The following HS6ST2 variants were observed in gnomAD, a reference collection of about 807,000 sequenced individuals.
HS6ST2 encodes the protein heparan sulfate 6-O-sulfotransferase 2, also known as heparan-sulfate 6-O-sulfotransferase 2.
A neutral mutation model predicts 33.0 loss-of-function variants in HS6ST2; 17 were observed. The observed-to-expected ratio is 0.52, with a 90% CI of 0.35 to 0.77. HS6ST2 has a LOEUF of 0.77. Ranked by LOEUF, HS6ST2 falls within the 30% of genes least tolerant of loss-of-function variation. The pLI is 0.01. For missense variants in HS6ST2, 519 were observed against 551.7 expected (o/e 0.94, Z 0.59); for synonymous variants, 248 against 237.1 (o/e 1.05, Z -0.42).
At chrX:132,855,620 G>C (rs1602753119) in intron 2 of HS6ST2, among the ~76,000 whole-genome samples, 1 of 111,503 alleles carries the variant, frequency 9.0e-6, no homozygotes, top group South Asian at 3.8e-4. Flanking sequence ...CGAAACAAGT[G>C]ATTTTTCAGT....
rs559552787 is a variant in HS6ST2, at chrX:132,928,673, C to T, written c.947+28135G>A. On this transcript the variant is annotated intron_variant, in intron 2 of 4. Transcript: ENST00000370833. ...TTTGAGTACCCTTGTTCTCTATTGT[C>T]ACAGCAACCTGTGCTCACCTTTATC... is the stretch of plus-strand genomic sequence containing the variant. Among the ~76,000 whole-genome samples the T allele has an allele frequency of 5.5e-4, 61 of 111,367 alleles. 1 individual carries two copies. In the South Asian group the frequency reaches 0.021, roughly 39 times the overall value.
intron 2 of HS6ST2, among the ~76,000 whole-genome samples, chrX:132,719,266 TC>T (rs778827482): frequency 2.7e-5 from 3 of 112,055 alleles, no homozygotes; most frequent in Non-Finnish European, 5.6e-5. Flanking sequence ...AGAAAGGGAC[TC>T]AACCAAGGTC....
At chrX:132,706,035 A>G (rs1477579130) in intron 3 of HS6ST2, among the ~76,000 whole-genome samples, 1 of 111,112 alleles carries the variant, frequency 9.0e-6, no homozygotes, top group Admixed American at 9.6e-5. Flanking sequence ...TTATCATTCA[A>G]ACTTACTATA....
Position 132,868,204 on chromosome X carries a change from T to C in HS6ST2, c.947+88604A>G, listed in dbSNP as rs754929747. On this transcript the variant is annotated intron_variant, in intron 2 of 4. Transcript: ENST00000370833. ...GACAAAGAAGGGCATTACATAATGA[T>C]AAAGGGATCAATGCAACAAGAAGAG... Among the ~76,000 whole-genome samples, 4 of 112,042 alleles carry C rather than the reference T, an allele frequency of 3.6e-5. No homozygotes were observed. In the East Asian group the frequency reaches 1.1e-3, roughly 31 times the overall value.
chrX:132,898,407 A>ATATATATATATAT (rs1569502414), intron 2 of HS6ST2, among the ~76,000 whole-genome samples: 1 of 102,761 alleles, frequency 9.7e-6, no homozygotes, highest in African/African-American at 3.6e-5. Flanking sequence ...ATATATATAT[A>ATATATATATATAT]AGCTTCTCTG....
At position 132,858,311 on chromosome X, in the gene HS6ST2, A is replaced by T. The variant is rs185713219; in HGVS notation, c.947+98497T>A. On this transcript the variant is annotated intron_variant, in intron 2 of 4. Transcript: ENST00000370833. ...GAGACTCAGCTATGAACTGTTGTAG[A>T]CAGGGAATCTTGATGGTGAAACAAG... Among the ~76,000 whole-genome samples, 4 of 112,286 alleles carry T rather than the reference A, an allele frequency of 3.6e-5. No individual in the cohort carries two copies. In the East Asian group the frequency reaches 1.1e-3, roughly 31 times the overall value.
intron 2 of HS6ST2, among the ~76,000 whole-genome samples, chrX:132,891,618 G>T (rs1308343407): frequency 9.1e-6 from 1 of 110,116 alleles, no homozygotes; most frequent in Non-Finnish European, 1.9e-5. Context: ...TCCCACCTAT[G>T]AGTGAGAACA....
chrX:132,856,122 C>T (rs766276358), intron 2 of HS6ST2, among the ~76,000 whole-genome samples: 1 of 111,536 alleles, frequency 9.0e-6, no homozygotes, highest in African/African-American at 3.3e-5. Flanking sequence ...ATATTAATAC[C>T]AATCTTACCT....
chrX:132,904,022 C>T (rs1302316138), intron 2 of HS6ST2, among the ~76,000 whole-genome samples: 1 of 111,823 alleles, frequency 8.9e-6, no homozygotes, highest in African/African-American at 3.2e-5. Flanking sequence ...TAGTCATCAA[C>T]TTCCCCTCCC....
intron 2 of HS6ST2, among the ~76,000 whole-genome samples, chrX:132,810,721 T>C (rs528971540): frequency 3.6e-5 from 4 of 111,968 alleles, no homozygotes; most frequent in African/African-American, 1.3e-4. Flanking sequence ...TCCCTCATAT[T>C]ATTGTGCTTG....
chrX:132,806,117 A>G (rs1231579501), intron 2 of HS6ST2, among the ~76,000 whole-genome samples: 1 of 110,379 alleles, frequency 9.1e-6, no homozygotes, highest in Non-Finnish European at 1.9e-5. Flanking sequence ...GTCCTAGTAC[A>G]CTAACACAAG....
In HS6ST2 at chrX:132,704,209, C is replaced by T. The variant is rs55760566; in HGVS notation, c.980+4253G>A. Among the ~76,000 whole-genome samples the T allele has an allele frequency of 6.3e-3, 704 of 112,122 alleles. 4 individuals carry two copies. Among genetic ancestry groups the T allele is most frequent in the Middle Eastern group, 0.023 (5 of 216 alleles). On this transcript the variant is annotated intron_variant, in intron 3 of 4. Transcript: ENST00000370833. Reference sequence around the variant, plus strand: ...ACATCATCTTTCCCCTTGGCACGTGCGTTTCTTAAACAAAACACTGAAACA... The same window carrying T: ...ACATCATCTTTCCCCTTGGCACGTGTGTTTCTTAAACAAAACACTGAAACA...
chrX:132,693,565 C>T (rs1346164346), intron 3 of HS6ST2, among the ~76,000 whole-genome samples: 3 of 110,845 alleles, frequency 2.7e-5, no homozygotes, highest in Non-Finnish European at 3.8e-5. Context: ...AAAGGAGAGG[C>T]GATAAAGGAG....
At chrX:132,795,490 G>A (rs749496497) in intron 2 of HS6ST2, among the ~76,000 whole-genome samples, 213 of 112,157 alleles carry the variant, frequency 1.9e-3, no homozygotes, top group Middle Eastern at 4.7e-3. Flanking sequence ...AGCCACAGCC[G>A]ACGTGCTCAA....
chrX:132,717,431 G>A (rs2064285468), intron 2 of HS6ST2, among the ~76,000 whole-genome samples: 1 of 112,254 alleles, frequency 8.9e-6, no homozygotes, highest in Non-Finnish European at 1.9e-5. Context: ...TACCTAACAG[G>A]GCACAAACCA....
intron 2 of HS6ST2, among the ~76,000 whole-genome samples, chrX:132,742,208 G>A (rs1326139509): frequency 8.9e-6 from 1 of 112,018 alleles, no homozygotes; most frequent in African/African-American, 3.2e-5. Flanking sequence ...TTTCAAACTG[G>A]GGATCGTTTG....
At chrX:132,666,878 GT>G (rs1394894434) in intron 4 of HS6ST2, among the ~76,000 whole-genome samples, 1 of 111,219 alleles carries the variant, frequency 9.0e-6, no homozygotes, top group Non-Finnish European at 1.9e-5. Flanking sequence ...TGGGCTGGTT[GT>G]TGTGAAAGAA....
In HS6ST2 at chrX:132,626,992, C is replaced by T. The variant is rs948862071; in HGVS notation, c.*1231G>A. 5 of 112,451 alleles carry T rather than the reference C, an allele frequency of 4.4e-5. No homozygotes were observed. The highest frequency in any genetic ancestry group is 9.4e-5 in the Non-Finnish European group (5 of 53,216). 9.3% of individuals were successfully genotyped at this position (112,451 alleles called of 1,213,427 possible). A position where few individuals can be genotyped will look rare whatever the true frequency, so the allele number is the denominator to read the frequency against. On this transcript the variant is annotated 3_prime_UTR_variant, in exon 5 of 5. Coordinates refer to ENST00000370833, the MANE Select transcript of HS6ST2 (RefSeq NM_001394073.1). ...AGGGTTTGCCCACATTATCAAGGTG[C>T]TATTGAATAACTGGCTAGCCTTCCT... is the stretch of plus-strand genomic sequence containing the variant.
intron 4 of HS6ST2, among the ~76,000 whole-genome samples, chrX:132,646,313 G>A (rs931212465): frequency 4.5e-5 from 5 of 110,680 alleles, no homozygotes; most frequent in African/African-American, 6.6e-5. Flanking sequence ...TAAGGAGTAC[G>A]GGGTCAAAAG....
Sources: allele counts gnomAD v4.1 joint callset (sites outside exome capture counted in the v4.1 genomes callset), GRCh38; gene constraint gnomAD v4.1.1; transcripts MANE v1.5; gene names NCBI Gene and HGNC (gene_info 2026-07-23, HGNC 2026-07-21).